Variants in GALNT13 observed in about 807,000 individuals in gnomAD.
GALNT13 encodes the protein polypeptide N-acetylgalactosaminyltransferase 13.
In GALNT13, 28 loss-of-function variants were observed where a neutral mutation model predicts 64.2. The ratio of observed to expected loss-of-function variants is 0.44; its 90% CI spans 0.32 to 0.60. The LOEUF is 0.60. Ranked by LOEUF, GALNT13 falls within the 20% of genes least tolerant of loss-of-function variation. GALNT13 has a pLI of 0.05. For synonymous variants in GALNT13, 214 were observed against 224.6 expected, an observed-to-expected ratio of 0.95 and a Z score of 0.42; for missense variants, 577 against 669.8, an observed-to-expected ratio of 0.86 and a Z score of 1.53.
intron 4 of GALNT13, among the ~76,000 whole-genome samples, chr2:154,211,505 G>A (rs182822249): frequency 1.3e-5 from 2 of 151,654 alleles, no homozygotes; most frequent in East Asian, 3.9e-4. Context: ...ATGCATGCCT[G>A]TAATTCCAGC....
chr2:154,348,908 T>G (rs546541753), intron 9 of GALNT13, among the ~76,000 whole-genome samples: 3 of 152,302 alleles, frequency 2.0e-5, no homozygotes, highest in African/African-American at 7.2e-5. Flanking sequence ...ATGAAAAGAC[T>G]AGTGAATTCT....
the GALNT13 span, among the ~76,000 whole-genome samples, chr2:153,074,760 G>C: frequency 0.019 from 2,945 of 152,194 alleles, 110 homozygotes; most frequent in African/African-American, 0.067. Flanking sequence ...TATTTTTGGA[G>C]ATATGATCTT....
At chr2:153,478,869 C>G in the GALNT13 span, 5 of 358,724 alleles carry the variant, frequency 1.4e-5, no homozygotes, top group African/African-American at 8.5e-5. Context: ...GAGGTGCGGG[C>G]CGCGGCGGCT....
chr2:153,631,690 G>A, the GALNT13 span, among the ~76,000 whole-genome samples: 11 of 152,128 alleles, frequency 7.2e-5, no homozygotes, highest in East Asian at 1.9e-3. Flanking sequence ...TGAGTTCTTT[G>A]TAGATTCTGG....
At chr2:153,344,339 A>G in the GALNT13 span, among the ~76,000 whole-genome samples, 1 of 152,328 alleles carries the variant, frequency 6.6e-6, no homozygotes, top group East Asian at 1.9e-4. Flanking sequence ...TCTTCCCATA[A>G]CATTCATGAT....
the GALNT13 span, among the ~76,000 whole-genome samples, chr2:153,126,892 C>T: frequency 6.6e-6 from 1 of 152,096 alleles, no homozygotes; most frequent in African/African-American, 2.4e-5. Context: ...GTGCCTATGC[C>T]ACTGCCCTGA....
At chr2:153,820,665 T>C in the GALNT13 span, among the ~76,000 whole-genome samples, 2 of 152,130 alleles carry the variant, frequency 1.3e-5, no homozygotes, top group Non-Finnish European at 2.9e-5. Flanking sequence ...AAGAAAACAC[T>C]TAGAAAATAT....
chr2:153,102,231 T>A, the GALNT13 span, among the ~76,000 whole-genome samples: 1 of 152,134 alleles, frequency 6.6e-6, no homozygotes, highest in Admixed American at 6.6e-5. Context: ...TGTCTCTTTG[T>A]TTCTCTGTCT....
rs147135008 is a variant in GALNT13, at chr2:154,249,255, T to C, written c.857+3273T>C. Reference sequence around the variant, plus strand: ...ATTTGTATTCCATGCATACAAACTATTGGGCGCTGTGCTAAGTTCTGCACA... The same window carrying C: ...ATTTGTATTCCATGCATACAAACTACTGGGCGCTGTGCTAAGTTCTGCACA... On this transcript the variant is annotated intron_variant, in intron 7 of 12. Coordinates refer to ENST00000392825, the MANE Select transcript of GALNT13 (RefSeq NM_052917.4). Among the ~76,000 whole-genome samples, 27 of 152,310 alleles carry C rather than the reference T, an allele frequency of 1.8e-4. 1 individual carries two copies. In the East Asian group the frequency reaches 2.9e-3, roughly 16 times the overall value.
chr2:153,170,567 G>A, the GALNT13 span, among the ~76,000 whole-genome samples: 2 of 152,168 alleles, frequency 1.3e-5, no homozygotes, highest in East Asian at 3.8e-4. Context: ...AAGCACCGAA[G>A]TGTCACACAG....
At chr2:153,634,427 C>T in the GALNT13 span, among the ~76,000 whole-genome samples, 1 of 151,482 alleles carries the variant, frequency 6.6e-6, no homozygotes, top group African/African-American at 2.4e-5. Context: ...GACATCTACT[C>T]TGAGAGGTAA....
chr2:153,862,784 A>G, the GALNT13 span, among the ~76,000 whole-genome samples: 5 of 152,036 alleles, frequency 3.3e-5, no homozygotes, highest in Non-Finnish European at 7.4e-5. Context: ...CATCTGAATT[A>G]ATGGACTGTT....
the GALNT13 span, among the ~76,000 whole-genome samples, chr2:153,269,820 G>A: frequency 1.3e-5 from 2 of 152,090 alleles, no homozygotes; most frequent in Admixed American, 6.5e-5. Flanking sequence ...TTACAAGGTG[G>A]CAGGAAAGAG....
the GALNT13 span, among the ~76,000 whole-genome samples, chr2:153,343,277 G>A: frequency 0.053 from 8,066 of 152,248 alleles, 340 homozygotes; most frequent in Non-Finnish European, 0.077. Flanking sequence ...CTACCAAGAT[G>A]AGATACAGTC....
chr2:153,091,177 T>C, the GALNT13 span, among the ~76,000 whole-genome samples: 1 of 152,052 alleles, frequency 6.6e-6, no homozygotes, highest in African/African-American at 2.4e-5. Flanking sequence ...AGTTGGAAGA[T>C]TCCTTCACCC....
chr2:153,074,378 T>A, the GALNT13 span, among the ~76,000 whole-genome samples: 1 of 152,204 alleles, frequency 6.6e-6, no homozygotes, highest in African/African-American at 2.4e-5. Context: ...TTCATTTTTT[T>A]AAGAATCATT....
At chr2:154,329,356 G>A (rs1264637694) in intron 9 of GALNT13, among the ~76,000 whole-genome samples, 1 of 152,178 alleles carries the variant, frequency 6.6e-6, no homozygotes, top group East Asian at 1.9e-4. Context: ...ACCCGCCTCG[G>A]CCTCCCAAAG....
At chr2:153,361,339 G>A in the GALNT13 span, among the ~76,000 whole-genome samples, 5 of 152,190 alleles carry the variant, frequency 3.3e-5, no homozygotes, top group African/African-American at 4.8e-5. Flanking sequence ...CCTCTCCAGC[G>A]AGGGCACAGA....
the GALNT13 span, among the ~76,000 whole-genome samples, chr2:153,557,967 C>A: frequency 6.6e-6 from 1 of 152,140 alleles, no homozygotes; most frequent in Non-Finnish European, 1.5e-5. Flanking sequence ...CTAGGAAAGC[C>A]TTTCTTGACC....
Sources: gnomAD v4.1 joint callset for allele counts (sites outside exome capture counted in the v4.1 genomes callset) on GRCh38, gnomAD v4.1.1 for gene constraint, MANE v1.5 for transcripts, NCBI Gene and HGNC (gene_info 2026-07-23, HGNC 2026-07-21) for gene names.